The following FAM149B1 variants were observed in gnomAD, a reference collection of about 807,000 sequenced individuals.
FAM149B1 encodes the protein primary cilium assembly protein FAM149B1.
A neutral mutation model predicts 75.3 loss-of-function variants in FAM149B1; 56 were observed. That is an observed-to-expected ratio of 0.74 (90% CI 0.60 to 0.93). The LOEUF is 0.93. Among genes scored for constraint, FAM149B1 ranks in the 40% least tolerant of loss-of-function variants. The pLI, the probability that FAM149B1 is intolerant of heterozygous loss-of-function variation, is 0.00. For synonymous variants in FAM149B1, 259 were observed against 256.1 expected (o/e 1.01, Z -0.11); for missense variants, 639 against 708.4 (o/e 0.90, Z 1.11).
chr10:73,210,506 T>C, intron 7 of FAM149B1, 68 bp downstream of exon 7: 4 of 1,129,042 alleles, frequency 3.5e-6, no homozygotes, highest in Non-Finnish European at 5.1e-6. Context: ...ACCAGTCTAT[T>C]AGATGATATG....
Position 73,177,959 on chromosome 10 carries a change from TCTC to T in FAM149B1, c.269_271del (p.Ser90del), listed in dbSNP as rs1161318803. On this transcript the variant is annotated inframe_deletion, in exon 3 of 14. Transcript: ENST00000242505. ...ATATCTACTGAAGGAAGCTCGGACT[TCTC>T]CTGGGGATATGGTGTGAGTTATATG... 1 of 1,550,882 alleles carries T rather than the reference TCTC, an allele frequency of 6.4e-7. No homozygotes were observed. The highest frequency in any genetic ancestry group is 8.7e-7 in the Non-Finnish European group (1 of 1,146,766).
rs1046226733 is a variant in FAM149B1, at chr10:73,193,512, G to C, written c.461G>C (p.Gly154Ala). The change falls in exon 5 of 14, where the codon GGT (glycine) becomes GCT (alanine). Residue 154 changes from glycine (G) to alanine (A), a missense_variant. Transcript: ENST00000242505. ...AGGCAGATAATCACTCCAAGTGAAG[G>C]TTATAGATTGTATCCTAGATCCCCT... ...LGRQIITPSE[G>A]YRLYPRSPSA... 1 of 1,550,122 alleles carries C rather than the reference G, an allele frequency of 6.5e-7. No individual in the cohort carries two copies. Among genetic ancestry groups the C allele is most frequent in the Admixed American group, 2.0e-5 (1 of 50,942 alleles).
intron 5 of FAM149B1, among the ~76,000 whole-genome samples, chr10:73,202,576 G>A (rs1220537928): frequency 2.6e-5 from 4 of 152,180 alleles, no homozygotes; most frequent in East Asian, 3.9e-4. Context: ...GGGATTACAG[G>A]TGTGAGCCAC....
chr10:73,207,173 C>A (rs2043083801), intron 5 of FAM149B1, among the ~76,000 whole-genome samples: 1 of 152,168 alleles, frequency 6.6e-6, no homozygotes, highest in South Asian at 2.1e-4. Context: ...ACACACAATT[C>A]CCACTGGGGC....
Position 73,241,110 on chromosome 10 carries a change from G to C in FAM149B1, c.*91G>C. The C allele has an allele frequency of 1.3e-6, 1 of 784,564 alleles. No homozygotes were observed. The highest frequency in any genetic ancestry group is 2.8e-5 in the East Asian group (1 of 35,718). The allele number at this position is 784,564 out of a possible 1,614,324, so 48.6% of individuals were successfully genotyped here. Reference sequence around the variant, plus strand: ...CAAGTGATGCAGAGCTTGTATAGAAGATCGACTAGAAATCATCTTCATGAA... The same window carrying C: ...CAAGTGATGCAGAGCTTGTATAGAACATCGACTAGAAATCATCTTCATGAA... On this transcript the variant is annotated 3_prime_UTR_variant, in exon 14 of 14. Transcript: ENST00000242505.
intron 1 of FAM149B1, among the ~76,000 whole-genome samples, chr10:73,171,479 A>G (rs1292842517): frequency 2.6e-5 from 4 of 152,186 alleles, no homozygotes; most frequent in Non-Finnish European, 5.9e-5. Context: ...TGGGAAAGGA[A>G]TGATTTTCAA....
intron 5 of FAM149B1, among the ~76,000 whole-genome samples, chr10:73,195,440 CA>C (rs1185679347): frequency 6.6e-6 from 1 of 152,128 alleles, no homozygotes; most frequent in Non-Finnish European, 1.5e-5. Context: ...AAAAATTTTA[CA>C]ACCTAATGTC....
chr10:73,241,963 T>C lies in FAM149B1; in HGVS notation c.*944T>C, dbSNP rs2043959362. ...ATGAATGCAGCAACAGTTTTAACTA[T>C]GGCTTACATTTATTTTAAATTTCAC... is the stretch of plus-strand genomic sequence containing the variant. On this transcript the variant is annotated 3_prime_UTR_variant, in exon 14 of 14. Coordinates refer to ENST00000242505, the MANE Select transcript of FAM149B1 (RefSeq NM_173348.2). 2 of 152,350 alleles carry C rather than the reference T, an allele frequency of 1.3e-5. No homozygotes were observed. Among genetic ancestry groups the C allele is most frequent in the African/African-American group, 2.4e-5 (1 of 41,584 alleles). The allele number at this position is 152,350 out of a possible 1,614,324, so 9.4% of individuals were successfully genotyped here.
intron 10 of FAM149B1, 148 bp from the exon 11 acceptor site, chr10:73,234,669 T>C: frequency 1.2e-6 from 1 of 853,022 alleles, no homozygotes; most frequent in Non-Finnish European, 1.8e-6. Flanking sequence ...CCAAAAATCC[T>C]GAGATCTCTA....
At chr10:73,235,007 G>C in intron 11 of FAM149B1, 67 bp downstream of exon 11, 1 of 1,523,786 alleles carries the variant, frequency 6.6e-7, no homozygotes. Flanking sequence ...AATTCTGCAG[G>C]ATCTGTGCCC....
chr10:73,177,745 G>T, intron 2 of FAM149B1, 101 bp from the exon 3 acceptor site: 6 of 1,015,902 alleles, frequency 5.9e-6, no homozygotes, highest in East Asian at 2.6e-5. Context: ...TTGTACACAT[G>T]TTAATCACCT....
At chr10:73,202,184 T>G (rs1378034981) in intron 5 of FAM149B1, among the ~76,000 whole-genome samples, 1 of 151,918 alleles carries the variant, frequency 6.6e-6, no homozygotes, top group Non-Finnish European at 1.5e-5. Context: ...AAGAAAGAAA[T>G]AACATTTACA....
intron 3 of FAM149B1, among the ~76,000 whole-genome samples, chr10:73,192,058 C>G (rs2042696328): frequency 6.6e-6 from 1 of 151,966 alleles, no homozygotes; most frequent in Non-Finnish European, 1.5e-5. Context: ...TACTACCACG[C>G]CTGGCTAATT....
rs901586087 is a variant in FAM149B1 at position 73,174,790 on chromosome 10, A to C, written c.151A>C (p.Ser51Arg). Reference sequence around the variant, plus strand: ...TCATGAGAAAGACACAAGTTCCCAAAGGTAATAACACAAAGTGTACTTGTT... The same window carrying C: ...TCATGAGAAAGACACAAGTTCCCAACGGTAATAACACAAAGTGTACTTGTT... Reference protein sequence around the residue: ...DSHEKDTSSQSKSDITRESSF... With the variant: ...DSHEKDTSSQRKSDITRESSF... Residue 51 changes from serine to arginine, a missense_variant and splice_region_variant, in exon 2 of 14, where the codon AGC (serine) becomes CGC (arginine). Ser to Arg is a moderately radical substitution (Grantham distance 110, BLOSUM62 -1). Coordinates refer to ENST00000242505, the MANE Select transcript of FAM149B1 (RefSeq NM_173348.2). The C allele has an allele frequency of 4.6e-6, 7 of 1,535,946 alleles. No homozygotes were observed. The highest frequency in any genetic ancestry group is 6.2e-6 in the Non-Finnish European group (7 of 1,132,712).
chr10:73,207,726 T>C (rs1295646614), intron 5 of FAM149B1, among the ~76,000 whole-genome samples: 2 of 152,032 alleles, frequency 1.3e-5, no homozygotes, highest in African/African-American at 4.8e-5. Flanking sequence ...CATCAAGGGG[T>C]TCTAAGAGTT....
intron 5 of FAM149B1, among the ~76,000 whole-genome samples, chr10:73,201,674 C>T (rs1178941320): frequency 9.2e-5 from 14 of 151,952 alleles, no homozygotes; most frequent in Admixed American, 7.2e-4. Flanking sequence ...AGAAGGCATT[C>T]GAATGCATTT....
At chr10:73,239,155 T>C (rs1021875128) in intron 12 of FAM149B1, 157 bp from the exon 13 acceptor site, 6 of 567,436 alleles carry the variant, frequency 1.1e-5, no homozygotes, top group Non-Finnish European at 1.9e-5. Context: ...ATTTTCTACT[T>C]GAAATTCAAC....
chr10:73,203,293 A>C (rs1264120487), intron 5 of FAM149B1, among the ~76,000 whole-genome samples: 1 of 152,146 alleles, frequency 6.6e-6, no homozygotes. Flanking sequence ...TGCATTGACT[A>C]TCTTTGGCTG....
At chr10:73,236,044 C>T (rs1039003243) in intron 12 of FAM149B1, among the ~76,000 whole-genome samples, 2 of 152,194 alleles carry the variant, frequency 1.3e-5, no homozygotes, top group African/African-American at 4.8e-5. Context: ...AGGGACCCCA[C>T]ATCCTGACAG....
Sources: allele counts gnomAD v4.1 joint callset (sites outside exome capture counted in the v4.1 genomes callset), GRCh38; gene constraint gnomAD v4.1.1; transcripts MANE v1.5; gene names NCBI Gene and HGNC (gene_info 2026-07-23, HGNC 2026-07-21).